The following TENM2 variants were observed in gnomAD, a reference collection of about 807,000 sequenced individuals.
The protein encoded by TENM2 is teneurin transmembrane protein 2, also known as teneurin-2.
In TENM2, 52 loss-of-function variants were observed where a neutral mutation model predicts 245.2. That is an observed-to-expected ratio of 0.21 (90% CI 0.17 to 0.27). TENM2 has a LOEUF of 0.27. TENM2 is among the 10% of genes least tolerant of loss of function. The pLI, the probability that TENM2 is intolerant of heterozygous loss-of-function variation, is 1.00. For missense variants in TENM2, 3,046 were observed against 3,666.8 expected (o/e 0.83, Z 4.37); for synonymous variants, 1,363 against 1,438.9 (o/e 0.95, Z 1.19).
intron 2 of TENM2, among the ~76,000 whole-genome samples, chr5:167,462,181 A>T (rs982987813): frequency 4.0e-5 from 3 of 75,022 alleles, no homozygotes; most frequent in Admixed American, 1.7e-4. Context: ...CCTGACCCCC[A>T]CCCCCCCCCC....
chr5:168,121,351 C>T lies in TENM2; in HGVS notation c.2008+2865C>T, dbSNP rs143026744. The stretch of plus-strand genomic sequence containing the variant: ...TAGTCCCTCCTGCCTGCTAAAGGCT[C>T]TAAGGACGTGGCCACAAGAGCATCT... On this transcript the variant is annotated intron_variant, in intron 10 of 28. Coordinates refer to ENST00000518659, the Ensembl canonical transcript of TENM2. Among the ~76,000 whole-genome samples the T allele has an allele frequency of 2.3e-3, 353 of 152,298 alleles. 2 individuals are homozygous for T. Among genetic ancestry groups the T allele is most frequent in the African/African-American group, 8.0e-3 (333 of 41,556 alleles).
intron 1 of TENM2, among the ~76,000 whole-genome samples, chr5:167,350,888 G>A (rs1561883938): frequency 2.6e-5 from 2 of 75,630 alleles, no homozygotes; most frequent in African/African-American, 4.2e-5. Flanking sequence ...ATATATATGG[G>A]ATGTATACAT....
At chr5:167,830,790 A>G (rs1353534632) in intron 2 of TENM2, among the ~76,000 whole-genome samples, 1 of 152,158 alleles carries the variant, frequency 6.6e-6, no homozygotes, top group African/African-American at 2.4e-5. Flanking sequence ...ACACACATTG[A>G]TGGGCCCCAA....
chr5:167,026,911 C>T, the TENM2 span, among the ~76,000 whole-genome samples: 5 of 152,072 alleles, frequency 3.3e-5, no homozygotes, highest in Admixed American at 3.3e-4. Context: ...GCAGAACCCA[C>T]TGATTTTTTT....
chr5:168,095,477 G>A (rs1379200323), intron 8 of TENM2, among the ~76,000 whole-genome samples: 1 of 152,176 alleles, frequency 6.6e-6, no homozygotes, highest in East Asian at 1.9e-4. Context: ...GAGTAGAGAG[G>A]CCCTCCCTGA....
chr5:167,593,095 T>C (rs1775983069), intron 2 of TENM2, among the ~76,000 whole-genome samples: 1 of 152,214 alleles, frequency 6.6e-6, no homozygotes, highest in Admixed American at 6.5e-5. Context: ...AAGTAAGATT[T>C]ATCAAGTGCT....
chr5:167,460,671 C>T (rs76121955), intron 2 of TENM2, among the ~76,000 whole-genome samples: 3,322 of 151,688 alleles, frequency 0.022, 53 homozygotes, highest in South Asian at 0.042. Context: ...TGGAGAGTTT[C>T]AGCTGTATAA....
chr5:167,260,615 C>A, the TENM2 span, among the ~76,000 whole-genome samples: 1 of 152,138 alleles, frequency 6.6e-6, no homozygotes, highest in African/African-American at 2.4e-5. Flanking sequence ...CATTATCAAG[C>A]AATAAACAAT....
At chr5:167,646,234 GT>G (rs1779961303) in intron 2 of TENM2, among the ~76,000 whole-genome samples, 1 of 59,064 alleles carries the variant, frequency 1.7e-5, no homozygotes, top group East Asian at 6.0e-4. Context: ...TATATATGTT[GT>G]TTTCTTATAT....
the TENM2 span, among the ~76,000 whole-genome samples, chr5:167,033,410 T>C: frequency 6.6e-6 from 1 of 152,202 alleles, no homozygotes; most frequent in East Asian, 1.9e-4. Flanking sequence ...GCCATTTCAA[T>C]TTCATTTCTC....
At chr5:167,176,562 A>G in the TENM2 span, among the ~76,000 whole-genome samples, 2 of 152,250 alleles carry the variant, frequency 1.3e-5, no homozygotes, top group Non-Finnish European at 2.9e-5. Flanking sequence ...GATTGATCCT[A>G]TGCTTCCAAG....
intron 2 of TENM2, chr5:167,660,024 C>G (rs917869838): frequency 1.3e-5 from 2 of 152,104 alleles, no homozygotes; most frequent in Non-Finnish European, 2.9e-5. Flanking sequence ...TATGATGTAT[C>G]TGAACTCATA....
At chr5:167,657,153 A>C (rs536057061) in intron 2 of TENM2, among the ~76,000 whole-genome samples, 1 of 151,974 alleles carries the variant, frequency 6.6e-6, no homozygotes, top group African/African-American at 2.4e-5. Context: ...TCTCTCTTCT[A>C]CTTTTAATCT....
the TENM2 span, among the ~76,000 whole-genome samples, chr5:167,081,274 A>G: frequency 6.6e-6 from 1 of 152,222 alleles, no homozygotes; most frequent in African/African-American, 2.4e-5. Context: ...TTATGATCAT[A>G]GATCAAGGTA....
At chr5:167,403,855 C>T (rs1762494256) in intron 2 of TENM2, among the ~76,000 whole-genome samples, 1 of 150,160 alleles carries the variant, frequency 6.7e-6, no homozygotes, top group Non-Finnish European at 1.5e-5. Context: ...TAACACTAAC[C>T]TCCTTCCTTC....
chr5:167,415,502 A>G (rs1274041761), intron 2 of TENM2, among the ~76,000 whole-genome samples: 2 of 152,142 alleles, frequency 1.3e-5, no homozygotes, highest in Non-Finnish European at 2.9e-5. Context: ...AAATTTAATA[A>G]AATTAATTGT....
the TENM2 span, among the ~76,000 whole-genome samples, chr5:167,192,936 G>A: frequency 6.6e-6 from 1 of 152,016 alleles, no homozygotes; most frequent in Non-Finnish European, 1.5e-5. Context: ...AAGGATGTAA[G>A]GAGGGAGGCA....
At chr5:167,204,664 AG>A in the TENM2 span, among the ~76,000 whole-genome samples, 2 of 151,940 alleles carry the variant, frequency 1.3e-5, no homozygotes, top group African/African-American at 4.8e-5. Context: ...ACCTTCTTGG[AG>A]GACTTTATGT....
intron 3 of TENM2, among the ~76,000 whole-genome samples, chr5:167,900,807 C>G (rs374911242): frequency 7.0e-6 from 1 of 143,338 alleles, no homozygotes; most frequent in Non-Finnish European, 1.5e-5. Flanking sequence ...GCTCAGGAAG[C>G]AGGAAGACTG....
Sources: allele counts gnomAD v4.1 joint callset (sites outside exome capture counted in the v4.1 genomes callset), GRCh38; gene constraint gnomAD v4.1.1; transcripts MANE v1.5; gene names NCBI Gene and HGNC (gene_info 2026-07-23, HGNC 2026-07-21).